KSR2: variants seen among roughly 807,000 people sequenced by gnomAD.
KSR2 encodes the protein kinase suppressor of ras 2.
In KSR2, 25 loss-of-function variants were observed where a neutral mutation model predicts 107.8. That is an observed-to-expected ratio of 0.23 (90% CI 0.17 to 0.32). The LOEUF (loss-of-function observed/expected upper bound fraction) is 0.32. KSR2 is among the 10% of genes least tolerant of loss of function. KSR2 has a pLI of 1.00. For missense variants in KSR2, 887 were observed against 1,268.9 expected, an observed-to-expected ratio of 0.70 and a Z score of 4.57; for synonymous variants, 480 against 507.0, an observed-to-expected ratio of 0.95 and a Z score of 0.71.
In KSR2 at chr12:117,904,511, C is replaced by T. The variant is rs74734308; in HGVS notation, c.181-44080G>A. ...CGTTAAGAAACTAGAAAATGGATTT[C>T]GGTGGCCTTATTACCCCTGTTCCAC... On this transcript the variant is annotated intron_variant, in intron 1 of 19. Transcript: ENST00000339824. Among the ~76,000 whole-genome samples, 608 of 152,240 alleles carry T rather than the reference C, an allele frequency of 4.0e-3. 20 individuals carry two copies. In the East Asian group the frequency reaches 0.08, roughly 20 times the overall value.
chr12:117,596,290 T>C (rs188172457), intron 5 of KSR2, among the ~76,000 whole-genome samples: 1 of 152,216 alleles, frequency 6.6e-6, no homozygotes, highest in Non-Finnish European at 1.5e-5. Flanking sequence ...TTATTCACTA[T>C]TAAGAGAACA....
At chr12:117,591,251 ACT>A (rs1880296014) in intron 5 of KSR2, among the ~76,000 whole-genome samples, 1 of 152,012 alleles carries the variant, frequency 6.6e-6, no homozygotes, top group African/African-American at 2.4e-5. Context: ...AGAAAAATTA[ACT>A]CTTTCCTCTC....
At chr12:117,941,224 C>T (rs1484964693) in intron 1 of KSR2, among the ~76,000 whole-genome samples, 188 of 152,010 alleles carry the variant, frequency 1.2e-3, no homozygotes, top group Non-Finnish European at 2.9e-5. Flanking sequence ...TCACCATGAC[C>T]TCCCCACCAT....
chr12:117,540,599 T>C (rs765320693), intron 9 of KSR2, among the ~76,000 whole-genome samples: 12 of 152,148 alleles, frequency 7.9e-5, no homozygotes, highest in South Asian at 2.1e-4. Flanking sequence ...ATGACAAATA[T>C]CCTAAATCCA....
intron 3 of KSR2, among the ~76,000 whole-genome samples, chr12:117,834,132 C>A (rs767556794): frequency 1.3e-5 from 2 of 149,272 alleles, no homozygotes; most frequent in Non-Finnish European, 3.0e-5. Context: ...GAGAGTGAGA[C>A]CCTGTCTCAA....
At chr12:117,616,404 T>C (rs981546342) in intron 5 of KSR2, among the ~76,000 whole-genome samples, 1 of 152,196 alleles carries the variant, frequency 6.6e-6, no homozygotes, top group Non-Finnish European at 1.5e-5. Context: ...AATAACTAAA[T>C]AACTTCAGAA....
intron 5 of KSR2, among the ~76,000 whole-genome samples, chr12:117,651,259 C>T (rs983195318): frequency 3.3e-5 from 5 of 152,150 alleles, no homozygotes; most frequent in Admixed American, 6.5e-5. Flanking sequence ...GAGGCAGTTG[C>T]CAGGCAAAAT....
intron 4 of KSR2, among the ~76,000 whole-genome samples, chr12:117,719,149 A>C (rs1258151829): frequency 6.6e-6 from 1 of 152,232 alleles, no homozygotes. Flanking sequence ...TTACAAAAAC[A>C]GGAAAATTTC....
intron 4 of KSR2, among the ~76,000 whole-genome samples, chr12:117,675,969 G>A (rs1761428931): frequency 6.6e-6 from 1 of 152,222 alleles, no homozygotes; most frequent in South Asian, 2.1e-4. Context: ...GCTATGAGCT[G>A]TCCCTATCAA....
At chr12:117,561,527 G>C (rs1878120297) in intron 7 of KSR2, among the ~76,000 whole-genome samples, 2 of 152,284 alleles carry the variant, frequency 1.3e-5, no homozygotes, top group South Asian at 4.1e-4. Context: ...GCCTATAAGA[G>C]ACAGAGTTCC....
At chr12:117,888,209 T>C (rs965070308) in intron 1 of KSR2, among the ~76,000 whole-genome samples, 1 of 152,236 alleles carries the variant, frequency 6.6e-6, no homozygotes, top group African/African-American at 2.4e-5. Flanking sequence ...TCAACCATTC[T>C]CTTGGAGGCC....
chr12:117,713,018 G>A (rs897824734), intron 4 of KSR2, among the ~76,000 whole-genome samples: 3 of 149,760 alleles, frequency 2.0e-5, no homozygotes, highest in African/African-American at 7.4e-5. Flanking sequence ...TCTATATAGA[G>A]AGAAATATGT....
At chr12:117,606,539 C>CCCTG (rs1442361525) in intron 5 of KSR2, among the ~76,000 whole-genome samples, 5 of 104,454 alleles carry the variant, frequency 4.8e-5, no homozygotes, top group African/African-American at 2.0e-4. Context: ...CTTCCTGCCT[C>CCCTG]CCTGCCTCCC....
intron 5 of KSR2, among the ~76,000 whole-genome samples, chr12:117,583,419 GGA>G (rs1879807904): frequency 7.2e-6 from 1 of 139,402 alleles, no homozygotes; most frequent in Non-Finnish European, 1.5e-5. Flanking sequence ...ATGGATGGAT[GGA>G]TGGATGGATG....
In KSR2 at chr12:117,467,895, T is replaced by C. The variant is rs80135190; in HGVS notation, c.2847-690A>G. 6.2e-3 allele frequency: 2,390 copies of C among 386,768 alleles called. 61 individuals are homozygous for C. Among genetic ancestry groups the C allele is most frequent in the African/African-American group, 0.06 (2,202 of 36,852 alleles). The allele number at this position is 386,768 out of a possible 1,614,324, so 24.0% of individuals were successfully genotyped here. On this transcript the variant is annotated intron_variant, in intron 19 of 19. Coordinates refer to ENST00000339824, the MANE Select transcript of KSR2 (RefSeq NM_173598.6). The stretch of plus-strand genomic sequence containing the variant: ...GAAAATTCCACTGAACCCAGCATCC[T>C]ATTCTGCTAGACCACAGTCCTGTGT...
intron 4 of KSR2, among the ~76,000 whole-genome samples, chr12:117,731,745 G>C (rs940552540): frequency 1.3e-5 from 2 of 151,740 alleles, no homozygotes; most frequent in African/African-American, 4.8e-5. Context: ...CCCCAACCCC[G>C]TGCTCTCTGA....
intron 4 of KSR2, among the ~76,000 whole-genome samples, chr12:117,748,220 C>CT (rs1888483642): frequency 6.6e-6 from 1 of 152,132 alleles, no homozygotes; most frequent in Admixed American, 6.5e-5. Context: ...ACAAATACTG[C>CT]ATAATCTCAC....
chr12:117,784,350 C>T (rs527587803), intron 3 of KSR2, among the ~76,000 whole-genome samples: 61 of 152,302 alleles, frequency 4.0e-4, no homozygotes, highest in Non-Finnish European at 7.1e-4. Context: ...TCTTGCCTGC[C>T]ACCATGTAAG....
chr12:117,753,525 A>C (rs1376581018), intron 4 of KSR2, among the ~76,000 whole-genome samples: 2 of 152,234 alleles, frequency 1.3e-5, no homozygotes, highest in African/African-American at 2.4e-5. Flanking sequence ...ACAGGGATGG[A>C]GCTGGAAGCC....
Sources: gnomAD v4.1 joint callset for allele counts (sites outside exome capture counted in the v4.1 genomes callset) on GRCh38, gnomAD v4.1.1 for gene constraint, MANE v1.5 for transcripts, NCBI Gene and HGNC (gene_info 2026-07-23, HGNC 2026-07-21) for gene names.